Variants in RSRC1 observed in about 807,000 individuals in gnomAD.
The protein encoded by RSRC1 is arginine and serine rich coiled-coil 1.
Under a neutral mutation model 49.1 loss-of-function variants are expected in RSRC1, and 39 were observed. That is an observed-to-expected ratio of 0.79 (90% CI 0.61 to 1.04). The LOEUF is 1.04. RSRC1 is among the 50% of genes least tolerant of loss of function. RSRC1 has a pLI of 0.00. For synonymous variants in RSRC1, 143 were observed against 130.8 expected, an observed-to-expected ratio of 1.09 and a Z score of -0.63; for missense variants, 388 against 402.4, an observed-to-expected ratio of 0.96 and a Z score of 0.31.
At chr3:158,254,743 T>G (rs552441021) in intron 4 of RSRC1, among the ~76,000 whole-genome samples, 1 of 152,270 alleles carries the variant, frequency 6.6e-6, no homozygotes, top group East Asian at 1.9e-4. Context: ...TTTCCTGACT[T>G]TTTAATGATC....
At chr3:158,525,580 A>ACATGTT (rs1711962118) in intron 7 of RSRC1, among the ~76,000 whole-genome samples, 3 of 151,984 alleles carry the variant, frequency 2.0e-5, no homozygotes, top group Non-Finnish European at 4.4e-5. Context: ...AGAAATAAAA[A>ACATGTT]CATGTTCACA....
At chr3:158,153,881 GTAAATT>G (rs1358357818) in intron 3 of RSRC1, among the ~76,000 whole-genome samples, 2 of 152,144 alleles carry the variant, frequency 1.3e-5, no homozygotes, top group African/African-American at 4.8e-5. Context: ...CTTAGGTAGA[GTAAATT>G]TATATGATGA....
chr3:158,456,354 A>G (rs1381009833), intron 6 of RSRC1, among the ~76,000 whole-genome samples: 1 of 150,858 alleles, frequency 6.6e-6, no homozygotes, highest in African/African-American at 2.4e-5. Flanking sequence ...CAGTATACAC[A>G]TCACTTAGGC....
chr3:158,239,977 T>C (rs1188521687), intron 4 of RSRC1, among the ~76,000 whole-genome samples: 1 of 152,208 alleles, frequency 6.6e-6, no homozygotes, highest in Non-Finnish European at 1.5e-5. Context: ...ACAACTTGTT[T>C]GTACTTTGAT....
At chr3:158,332,449 A>T (rs150831208) in intron 5 of RSRC1, among the ~76,000 whole-genome samples, 47 of 152,252 alleles carry the variant, frequency 3.1e-4, no homozygotes, top group African/African-American at 1.1e-3. Flanking sequence ...TAAATCCGTA[A>T]CCTCATGGTA....
chr3:158,143,113 G>C (rs1716854462), intron 3 of RSRC1, among the ~76,000 whole-genome samples: 1 of 152,184 alleles, frequency 6.6e-6, no homozygotes, highest in Admixed American at 6.5e-5. Flanking sequence ...CAGAAGAAGA[G>C]TTGTGTGCAT....
At chr3:158,180,957 A>G (rs951880652) in intron 3 of RSRC1, among the ~76,000 whole-genome samples, 4 of 151,472 alleles carry the variant, frequency 2.6e-5, no homozygotes, top group African/African-American at 9.7e-5. Context: ...GGCGCCCACC[A>G]CCACGCCCGG....
At chr3:158,211,501 A>G (rs1349894954) in intron 4 of RSRC1, among the ~76,000 whole-genome samples, 1 of 151,972 alleles carries the variant, frequency 6.6e-6, no homozygotes, top group African/African-American at 2.4e-5. Context: ...GGGGAAGGAA[A>G]TCAATTACAC....
At chr3:158,467,972 C>T (rs775072286) in intron 7 of RSRC1, among the ~76,000 whole-genome samples, 9 of 152,196 alleles carry the variant, frequency 5.9e-5, no homozygotes, top group Non-Finnish European at 1.2e-4. Flanking sequence ...CTCGCTCTGT[C>T]GCCCAGGCTG....
At chr3:158,121,146 C>T (rs1016445488) in intron 1 of RSRC1, among the ~76,000 whole-genome samples, 3 of 151,470 alleles carry the variant, frequency 2.0e-5, no homozygotes, top group African/African-American at 4.8e-5. Flanking sequence ...CAATGGATAC[C>T]ACTATAATAA....
intron 6 of RSRC1, among the ~76,000 whole-genome samples, chr3:158,453,752 C>T (rs73028802): frequency 0.059 from 8,943 of 152,028 alleles, 921 homozygotes; most frequent in African/African-American, 0.21. Flanking sequence ...TACTGATTTC[C>T]TCTAGATTTT....
chr3:158,148,041 G>T (rs1168951423), intron 3 of RSRC1, among the ~76,000 whole-genome samples: 1 of 152,090 alleles, frequency 6.6e-6, no homozygotes, highest in African/African-American at 2.4e-5. Flanking sequence ...ACTAGCACTG[G>T]TCCGTGGAAC....
At chr3:158,154,857 A>G (rs1050737200) in intron 3 of RSRC1, among the ~76,000 whole-genome samples, 4 of 152,228 alleles carry the variant, frequency 2.6e-5, no homozygotes, top group Admixed American at 6.5e-5. Context: ...CCGTGATTTC[A>G]GCAGTATTTA....
At chr3:158,284,162 G>C (rs1222223086) in intron 4 of RSRC1, among the ~76,000 whole-genome samples, 1 of 151,130 alleles carries the variant, frequency 6.6e-6, no homozygotes, top group Non-Finnish European at 1.5e-5. Flanking sequence ...TTATTCTTGC[G>C]ATAGTTTACT....
chr3:158,530,486 T>C lies in RSRC1; in HGVS notation c.653-6606T>C, dbSNP rs1398125109. On this transcript the variant is annotated intron_variant, in intron 7 of 9. Transcript: ENST00000611884. ...TATTATATTATTTACTTGTTTATTA[T>C]TTGTCTCCCTCATTAAAACATAAGC... 2.6e-5 allele frequency among the ~76,000 whole-genome samples: 4 copies of C among 151,946 alleles called. No homozygotes were observed. In the East Asian group the frequency reaches 7.8e-4, roughly 29 times the overall value.
intron 6 of RSRC1, among the ~76,000 whole-genome samples, chr3:158,444,718 G>A (rs1211795656): frequency 6.6e-6 from 1 of 152,104 alleles, no homozygotes; most frequent in Non-Finnish European, 1.5e-5. Flanking sequence ...AGAGTGAACA[G>A]GCAACCTGCA....
chr3:158,399,555 A>G (rs1578428630), intron 6 of RSRC1, among the ~76,000 whole-genome samples: 1 of 152,178 alleles, frequency 6.6e-6, no homozygotes, highest in African/African-American at 2.4e-5. Context: ...TGTTAGCAAC[A>G]TGTGGCTATT....
At chr3:158,367,206 C>T (rs1731814581) in intron 6 of RSRC1, among the ~76,000 whole-genome samples, 1 of 152,120 alleles carries the variant, frequency 6.6e-6, no homozygotes, top group African/African-American at 2.4e-5. Context: ...GCATCCTTGT[C>T]TCGTGCCGGT....
intron 6 of RSRC1, among the ~76,000 whole-genome samples, chr3:158,426,586 T>G (rs1415279488): frequency 6.6e-6 from 1 of 151,812 alleles, no homozygotes; most frequent in Non-Finnish European, 1.5e-5. Context: ...GATGAAATTT[T>G]AACAGCTATT....
Sources: gnomAD v4.1 joint callset for allele counts (sites outside exome capture counted in the v4.1 genomes callset) on GRCh38, gnomAD v4.1.1 for gene constraint, MANE v1.5 for transcripts, NCBI Gene and HGNC (gene_info 2026-07-23, HGNC 2026-07-21) for gene names.